Variants in HACD3 observed in about 807,000 individuals in gnomAD.
HACD3 encodes 3-hydroxyacyl-CoA dehydratase 3.
A neutral mutation model predicts 55.2 loss-of-function variants in HACD3; 30 were observed. The ratio of observed to expected loss-of-function variants is 0.54; its 90% confidence interval spans 0.41 to 0.74. The LOEUF (loss-of-function observed/expected upper bound fraction) is 0.74. HACD3 is among the 30% of genes least tolerant of loss of function. HACD3 has a pLI of 0.00. For missense variants in HACD3, 363 were observed against 440.1 expected, an observed-to-expected ratio of 0.82 and a Z score of 1.57; for synonymous variants, 141 against 151.7, an observed-to-expected ratio of 0.93 and a Z score of 0.52.
intron 4 of HACD3, among the ~76,000 whole-genome samples, chr15:65,557,651 C>G (rs55767256): frequency 5.3e-4 from 80 of 152,178 alleles, no homozygotes; most frequent in African/African-American, 1.9e-3. Flanking sequence ...GGGAGTTATG[C>G]TTCCTGTCCT....
Position 65,577,691 on chromosome 15 carries a change from T to G in HACD3, c.*1312T>G, listed in dbSNP as rs2072421323. On this transcript the variant is annotated 3_prime_UTR_variant, in exon 11 of 11. Coordinates refer to ENST00000261875, the MANE Select transcript of HACD3 (RefSeq NM_016395.4). ...TACTTGTTCTAGTGAGTGGTGGGAC[T>G]GTACATTTTTGAATAGACCTCAAAA... 6.6e-6 allele frequency: 1 copy of G among 152,218 alleles called. No individual in the cohort carries two copies. The highest frequency in any genetic ancestry group is 2.4e-5 in the African/African-American group (1 of 41,436). The allele number at this position is 152,218 out of a possible 1,614,324, so 9.4% of individuals were successfully genotyped here. A position where few individuals can be genotyped will look rare whatever the true frequency, so the allele number is the denominator to read the frequency against.
chr15:65,539,485 C>T (rs368684305), intron 1 of HACD3, among the ~76,000 whole-genome samples: 2 of 151,974 alleles, frequency 1.3e-5, no homozygotes, highest in Admixed American at 6.6e-5. Flanking sequence ...CCTCCCAAAG[C>T]GCTAGGATTA....
At chr15:65,555,491 A>C (rs1434050253) in intron 3 of HACD3, among the ~76,000 whole-genome samples, 1 of 152,240 alleles carries the variant, frequency 6.6e-6, no homozygotes, top group East Asian at 1.9e-4. Flanking sequence ...AGCTTCTCTC[A>C]TAAGCAGGGA....
In HACD3 at chr15:65,576,723, C is replaced by T. The variant is rs1031167926; in HGVS notation, c.*344C>T. The T allele has an allele frequency of 4.5e-6, 1 of 220,668 alleles. No individual in the cohort carries two copies. Among genetic ancestry groups the T allele is most frequent in the African/African-American group, 2.3e-5 (1 of 43,108 alleles). The allele number at this position is 220,668 out of a possible 1,614,324, so 13.7% of individuals were successfully genotyped here. A position where few individuals can be genotyped will look rare whatever the true frequency, so the allele number is the denominator to read the frequency against. On this transcript the variant is annotated 3_prime_UTR_variant, in exon 11 of 11. Transcript: ENST00000261875. The stretch of plus-strand genomic sequence containing the variant: ...TTATCCCTACAATGTACTGACAGTT[C>T]TTACAGTTGAGATTTGTTCTTTTCA...
Position 65,576,415 on chromosome 15 carries a change from C to T in HACD3, c.*36C>T. ...TTAGATGGCTTCTTGCCAGTTTGAG[C>T]CTAATCTGATTCTTACAGTTTTACC... On this transcript the variant is annotated 3_prime_UTR_variant, in exon 11 of 11. Transcript: ENST00000261875. 1 of 1,548,822 alleles carries T rather than the reference C, an allele frequency of 6.5e-7. No individual in the cohort carries two copies. Among genetic ancestry groups the T allele is most frequent in the Non-Finnish European group, 8.7e-7 (1 of 1,147,436 alleles).
chr15:65,564,830 A>G (rs1460661921), intron 7 of HACD3: 1 of 154,028 alleles, frequency 6.5e-6, no homozygotes, highest in African/African-American at 2.4e-5. Flanking sequence ...TGCCTTCTCA[A>G]CAGTCCCCCA....
intron 10 of HACD3, among the ~76,000 whole-genome samples, chr15:65,573,574 C>T (rs1392208617): frequency 1.3e-5 from 2 of 149,566 alleles, no homozygotes; most frequent in East Asian, 3.9e-4. Context: ...TGCCACTGCA[C>T]TCCAGCCTGT....
chr15:65,575,597 T>C (rs1952847157), intron 10 of HACD3, among the ~76,000 whole-genome samples: 1 of 152,162 alleles, frequency 6.6e-6, no homozygotes, highest in African/African-American at 2.4e-5. Flanking sequence ...GAACTATACC[T>C]ACCTGAAGAA....
At chr15:65,545,676 T>C (rs1460443026) in intron 1 of HACD3, among the ~76,000 whole-genome samples, 2 of 151,916 alleles carry the variant, frequency 1.3e-5, no homozygotes, top group South Asian at 4.1e-4. Flanking sequence ...GGATGGCCTC[T>C]ATCTCCTGAC....
chr15:65,577,437 CCA>C lies in HACD3; in HGVS notation c.*1069_*1070del, dbSNP rs965434094. On this transcript the variant is annotated 3_prime_UTR_variant, in exon 11 of 11. Coordinates refer to ENST00000261875, the MANE Select transcript of HACD3 (RefSeq NM_016395.4). The stretch of plus-strand genomic sequence containing the variant: ...AGACCCTGTCTCAAACCAAACCAAA[CCA>C]CACACACACAAACACACATACACAC... The C allele has an allele frequency of 7.3e-5, 11 of 151,178 alleles. No individual in the cohort carries two copies. Among genetic ancestry groups the C allele is most frequent in the Admixed American group, 2.6e-4 (4 of 15,194 alleles). 9.4% of individuals were successfully genotyped at this position (151,178 alleles called of 1,614,324 possible).
chr15:65,565,449 A>C (rs921445508), intron 7 of HACD3: 2 of 152,254 alleles, frequency 1.3e-5, no homozygotes, highest in Admixed American at 1.3e-4. Context: ...AGGCATTTCC[A>C]TACATCTTCT....
At position 65,572,962 on chromosome 15, in the gene HACD3, A is replaced by G. The variant is rs183802136; in HGVS notation, c.1012+596A>G. 7.0e-4 allele frequency among the ~76,000 whole-genome samples: 105 copies of G among 150,346 alleles called. 1 individual carries two copies. The East Asian group carries it at 0.017, about 24-fold the overall frequency. ...AATAAATAAAAATTAAAAAAAAAAA[A>G]GTAAGGAGCCTTTTAAAATAGACTA... On this transcript the variant is annotated intron_variant, in intron 10 of 10. Coordinates refer to ENST00000261875, the MANE Select transcript of HACD3 (RefSeq NM_016395.4).
chr15:65,563,642 C>T (rs2072264019), intron 6 of HACD3, among the ~76,000 whole-genome samples: 1 of 151,988 alleles, frequency 6.6e-6, no homozygotes, highest in South Asian at 2.1e-4. Context: ...GTACTCTAGA[C>T]TGGGTGATGG....
chr15:65,546,512 G>T (rs1180488926), intron 1 of HACD3, among the ~76,000 whole-genome samples: 1 of 152,102 alleles, frequency 6.6e-6, no homozygotes, highest in Non-Finnish European at 1.5e-5. Flanking sequence ...TAGAATGGAG[G>T]CTACCCCCAC....
At chr15:65,546,016 C>T (rs1185726031) in intron 1 of HACD3, among the ~76,000 whole-genome samples, 2 of 152,220 alleles carry the variant, frequency 1.3e-5, no homozygotes, top group South Asian at 2.1e-4. Context: ...TTGCGGGAGA[C>T]CCAAGCCACA....
chr15:65,558,133 C>CT (rs1288655394), intron 4 of HACD3, among the ~76,000 whole-genome samples: 1 of 152,112 alleles, frequency 6.6e-6, no homozygotes, highest in Non-Finnish European at 1.5e-5. Flanking sequence ...TTGCCATTGC[C>CT]TTTAAGTTCT....
chr15:65,532,165 T>G (rs2071907633), intron 1 of HACD3, among the ~76,000 whole-genome samples: 1 of 152,178 alleles, frequency 6.6e-6, no homozygotes, highest in African/African-American at 2.4e-5. Flanking sequence ...AATGTGTTCA[T>G]CCAGACTGAG....
chr15:65,572,048 G>A (rs2072353306), intron 9 of HACD3, among the ~76,000 whole-genome samples, 187 bp from the exon 10 acceptor site: 1 of 152,188 alleles, frequency 6.6e-6, no homozygotes, highest in Non-Finnish European at 1.5e-5. Flanking sequence ...TCTGTTGACA[G>A]GTTGGAGGCT....
rs199879154 is a variant in HACD3 at position 65,573,400 on chromosome 15, A to G, written c.1012+1034A>G. On this transcript the variant is annotated intron_variant, in intron 10 of 10. Coordinates refer to ENST00000261875, the MANE Select transcript of HACD3 (RefSeq NM_016395.4). ...AGGTGGGTAGATCACTTGAGGACAG[A>G]AGTTTGAGACCAACCTGGCCAACAT... Among the ~76,000 whole-genome samples the G allele has an allele frequency of 2.6e-5, 4 of 152,088 alleles. No homozygotes were observed. The East Asian group carries it at 7.7e-4, about 29-fold the overall frequency.
Sources: gnomAD v4.1 joint callset for allele counts (sites outside exome capture counted in the v4.1 genomes callset) on GRCh38, gnomAD v4.1.1 for gene constraint, MANE v1.5 for transcripts, NCBI Gene and HGNC (gene_info 2026-07-23, HGNC 2026-07-21) for gene names.